AXIN1: variants seen among roughly 807,000 people sequenced by gnomAD.
AXIN1 encodes axin-1.
AXIN1 carries 30 observed loss-of-function variants against 76.4 expected under a neutral mutation model. That is an observed-to-expected ratio of 0.39 (90% CI 0.29 to 0.53). The LOEUF (loss-of-function observed/expected upper bound fraction) is 0.53. Ranked by LOEUF, AXIN1 falls within the 20% of genes least tolerant of loss-of-function variation. AXIN1 has a pLI of 0.66. For synonymous variants in AXIN1, 545 were observed against 501.4 expected, an observed-to-expected ratio of 1.09 and a Z score of -1.16; for missense variants, 1,140 against 1,198.8, an observed-to-expected ratio of 0.95 and a Z score of 0.72.
chr16:310,346 T>C (rs2053143040), intron 3 of AXIN1, among the ~76,000 whole-genome samples: 1 of 152,234 alleles, frequency 6.6e-6, no homozygotes, highest in African/African-American at 2.4e-5. Context: ...AAAGCCTCCT[T>C]GTGCCTGCCT....
chr16:305,947 A>G (rs1474915525), intron 4 of AXIN1, among the ~76,000 whole-genome samples: 3 of 152,110 alleles, frequency 2.0e-5, no homozygotes, highest in African/African-American at 7.2e-5. Context: ...TACCGGTGTG[A>G]GCCACCACGC....
Position 293,636 on chromosome 16 carries a change from G to C in AXIN1, c.2038C>G (p.Arg680Gly), listed in dbSNP as rs544557159. 1 of 1,613,532 alleles carries C rather than the reference G, an allele frequency of 6.2e-7. No individual in the cohort carries two copies. The highest frequency in any genetic ancestry group is 1.1e-5 in the South Asian group (1 of 91,072). Residue 680 changes from arginine (R) to glycine (G), a missense_variant, in exon 8 of 11, where the codon CGG becomes GGG. Physicochemically the swap from Arg to Gly is moderately radical, Grantham distance 125 (BLOSUM62 -2). Around this residue, in one of 3 missense-constraint regions of AXIN1, gnomAD observed 429 missense variants for 405.8 expected, o/e 1.06. Transcript: ENST00000262320. The surrounding 1 kb of genome is among the most constrained non-coding windows in gnomAD (Gnocchi z 4.6). ...AGGTGGGAGGGCTGCACGGAGGTCC[G>C]GAGCTGAGGGCCGGCCCAGGGGTGC... ...LEHPWAGPQL[R>G]TSVQPSHLFI...
At chr16:335,766 A>C (rs1947508749) in intron 2 of AXIN1, among the ~76,000 whole-genome samples, 2 of 152,224 alleles carry the variant, frequency 1.3e-5, no homozygotes, top group Admixed American at 1.3e-4. Flanking sequence ...TTCAGGACAC[A>C]TGTCTTCCAG....
intron 2 of AXIN1, among the ~76,000 whole-genome samples, chr16:335,201 C>T (rs949780176): frequency 6.6e-6 from 1 of 152,204 alleles, no homozygotes; most frequent in African/African-American, 2.4e-5. Context: ...CACCACGAAG[C>T]TATAAATTCC....
intron 7 of AXIN1, among the ~76,000 whole-genome samples, chr16:295,459 G>C (rs746050358): frequency 3.9e-5 from 6 of 151,938 alleles, no homozygotes; most frequent in Non-Finnish European, 7.4e-5. Flanking sequence ...GAGGCCGGCG[G>C]ATAGCTTTGA....
At chr16:323,402 G>A (rs796711771) in intron 2 of AXIN1, among the ~76,000 whole-genome samples, 2 of 138,524 alleles carry the variant, frequency 1.4e-5, no homozygotes, top group African/African-American at 5.6e-5. Context: ...TCGCGCCACT[G>A]CACTCCAGCC....
chr16:342,567 G>A (rs1179870346), intron 2 of AXIN1, among the ~76,000 whole-genome samples: 1 of 152,182 alleles, frequency 6.6e-6, no homozygotes, highest in African/African-American at 2.4e-5. Context: ...CCCCACTGGG[G>A]AGCAGCCGTC....
At chr16:302,645 C>T (rs2052904527) in intron 5 of AXIN1, among the ~76,000 whole-genome samples, 1 of 152,192 alleles carries the variant, frequency 6.6e-6, no homozygotes, top group Non-Finnish European at 1.5e-5. Context: ...GGCTTCAGGG[C>T]ACAGCTCACC....
rs148340224 is a variant in AXIN1, at chr16:341,582, C to T, written c.878+4566G>A. On this transcript the variant is annotated intron_variant, in intron 2 of 10. Coordinates refer to ENST00000262320, the MANE Select transcript of AXIN1 (RefSeq NM_003502.4). ...GGCTCCTGTGCGGACCGAGTCTCCC[C>T]GACGAGCGCCCGGTCCCATTGACCA... is the stretch of plus-strand genomic sequence containing the variant. 2.8e-4 allele frequency among the ~76,000 whole-genome samples: 43 copies of T among 152,374 alleles called. No individual in the cohort carries two copies. In the East Asian group the frequency reaches 4.6e-3, roughly 16 times the overall value.
intron 4 of AXIN1, among the ~76,000 whole-genome samples, chr16:309,051 C>A (rs1021071794): frequency 5.3e-5 from 8 of 152,166 alleles, no homozygotes; most frequent in Admixed American, 4.6e-4. Flanking sequence ...GCTAACAGTG[C>A]GTTGCGCAGT....
At chr16:297,502 G>A (rs903448560) in intron 6 of AXIN1, among the ~76,000 whole-genome samples, 5 of 152,176 alleles carry the variant, frequency 3.3e-5, no homozygotes, top group African/African-American at 7.2e-5. Flanking sequence ...GGGCCAGAGC[G>A]GGAGCCAGGG....
At chr16:296,533 C>T (rs116692154) in intron 7 of AXIN1, among the ~76,000 whole-genome samples, 5,475 of 152,266 alleles carry the variant, frequency 0.036, 288 homozygotes, top group African/African-American at 0.12. Context: ...CGGCGGGCAG[C>T]GGCAGGGGCT....
chr16:290,781 G>A (rs2052533766), intron 9 of AXIN1: 1 of 357,620 alleles, frequency 2.8e-6, no homozygotes, highest in East Asian at 7.0e-5. Flanking sequence ...CACACTGCAA[G>A]CAGACGCACC....
intron 2 of AXIN1, among the ~76,000 whole-genome samples, chr16:342,643 C>A (rs1432732746): frequency 6.6e-6 from 1 of 152,258 alleles, no homozygotes; most frequent in African/African-American, 2.4e-5. Context: ...GCGCACGCAC[C>A]GTGACTGTGC....
chr16:341,238 C>T (rs372765116), intron 2 of AXIN1, among the ~76,000 whole-genome samples: 14 of 152,390 alleles, frequency 9.2e-5, no homozygotes, highest in Middle Eastern at 3.4e-3. Flanking sequence ...CCGGAGCCGG[C>T]TCCCTCAGCT....
chr16:329,494 G>A (rs1227525765), intron 2 of AXIN1, among the ~76,000 whole-genome samples: 2 of 152,038 alleles, frequency 1.3e-5, no homozygotes, highest in African/African-American at 4.8e-5. Context: ...TGCCCAGGCT[G>A]GAGTGCAATG....
chr16:300,086 C>G (rs1029848377), intron 5 of AXIN1, among the ~76,000 whole-genome samples: 1 of 152,052 alleles, frequency 6.6e-6, no homozygotes, highest in Non-Finnish European at 1.5e-5. Context: ...ATTACAGGCA[C>G]CCACCACCAT....
intron 7 of AXIN1, among the ~76,000 whole-genome samples, chr16:294,407 G>A (rs1409421576): frequency 7.0e-6 from 1 of 143,328 alleles, no homozygotes; most frequent in African/African-American, 2.6e-5. Flanking sequence ...AGGTTGCGGT[G>A]AGCTGAGATT....
At chr16:323,426 G>C (rs9927371) in intron 2 of AXIN1, among the ~76,000 whole-genome samples, 1 of 127,104 alleles carries the variant, frequency 7.9e-6, no homozygotes, top group Admixed American at 8.6e-5. Context: ...GCGACAGAGC[G>C]AGACTCCGTC....
Sources: allele counts gnomAD v4.1 joint callset (sites outside exome capture counted in the v4.1 genomes callset), GRCh38; gene constraint gnomAD v4.1.1; regional missense constraint gnomAD v4.1.1; non-coding constraint Gnocchi (gnomAD v3.1); transcripts MANE v1.5; gene names NCBI Gene and HGNC (gene_info 2026-07-23, HGNC 2026-07-21).